The following MPDZ variants were observed in gnomAD, a reference collection of about 807,000 sequenced individuals.
MPDZ encodes the protein multiple PDZ domain crumbs cell polarity complex component, also known as multiple PDZ domain protein.
MPDZ carries 234 observed loss-of-function variants against 239.1 expected under a neutral mutation model. That is an observed-to-expected ratio of 0.98 (90% CI 0.88 to 1.09). MPDZ has a LOEUF of 1.09. MPDZ is among the 50% of genes least tolerant of loss of function. The pLI is 0.00. For missense variants in MPDZ, 3,175 were observed against 2,510.0 expected, an observed-to-expected ratio of 1.26 and a Z score of -5.66; for synonymous variants, 1,048 against 881.3, an observed-to-expected ratio of 1.19 and a Z score of -3.35.
At chr9:13,188,431 T>G (rs73406289) in intron 17 of MPDZ, among the ~76,000 whole-genome samples, 1 of 151,942 alleles carries the variant, frequency 6.6e-6, no homozygotes, top group Admixed American at 6.6e-5. Context: ...GGCAGGAGAA[T>G]CGCTTGAATC....
At chr9:13,136,982 T>C (rs944180924) in intron 29 of MPDZ, among the ~76,000 whole-genome samples, 179 bp from the exon 30 acceptor site, 9 of 152,098 alleles carry the variant, frequency 5.9e-5, no homozygotes, top group Non-Finnish European at 1.0e-4. Context: ...AAAGAATAGC[T>C]CATGTTTAAA....
chr9:13,134,636 G>A (rs1442422773), intron 31 of MPDZ: 1 of 152,040 alleles, frequency 6.6e-6, no homozygotes, highest in East Asian at 1.9e-4. Context: ...TCATACACAT[G>A]TATCCAAAGC....
At chr9:13,258,220 C>T (rs533023687) in intron 1 of MPDZ, among the ~76,000 whole-genome samples, 1 of 152,180 alleles carries the variant, frequency 6.6e-6, no homozygotes, top group African/African-American at 2.4e-5. Context: ...AGAGAATCAG[C>T]GTTTGAAACA....
intron 11 of MPDZ, 137 bp from the exon 12 acceptor site, chr9:13,205,244 A>C: frequency 4.3e-6 from 2 of 470,104 alleles, no homozygotes; most frequent in South Asian, 5.0e-5. Context: ...AACTATATGT[A>C]CTTAAAGGCA....
intron 23 of MPDZ, among the ~76,000 whole-genome samples, chr9:13,159,093 ATAC>A (rs1950163588): frequency 1.3e-5 from 2 of 152,208 alleles, no homozygotes; most frequent in South Asian, 4.1e-4. Flanking sequence ...CCTGACAGGA[ATAC>A]TGAACTGTCT....
chr9:13,216,344 C>T (rs763478260), intron 10 of MPDZ, among the ~76,000 whole-genome samples: 5 of 147,528 alleles, frequency 3.4e-5, no homozygotes, highest in African/African-American at 5.0e-5. Flanking sequence ...AAAGCAGCCG[C>T]GGCCATAAAG....
At chr9:13,107,622 T>G (rs1217970569) in intron 46 of MPDZ, among the ~76,000 whole-genome samples, 1 of 152,150 alleles carries the variant, frequency 6.6e-6, no homozygotes, top group Non-Finnish European at 1.5e-5. Flanking sequence ...AGTTCTAAAT[T>G]TAAAACCCAC....
At chr9:13,277,829 T>A (rs961684287) in intron 1 of MPDZ, among the ~76,000 whole-genome samples, 1 of 152,180 alleles carries the variant, frequency 6.6e-6, no homozygotes, top group African/African-American at 2.4e-5. Context: ...TCTCCCAAAG[T>A]GCTGGGATTA....
chr9:13,116,491 G>C (rs1943468355), intron 39 of MPDZ, among the ~76,000 whole-genome samples: 1 of 152,094 alleles, frequency 6.6e-6, no homozygotes, highest in African/African-American at 2.4e-5. Context: ...TGAAGATGTT[G>C]ATCATGAATC....
At chr9:13,251,743 T>C (rs1208279885) in intron 1 of MPDZ, among the ~76,000 whole-genome samples, 2 of 152,234 alleles carry the variant, frequency 1.3e-5, no homozygotes, top group Non-Finnish European at 2.9e-5. Flanking sequence ...ATTAGCTCTG[T>C]GTGATAAGAG....
chr9:13,135,847 G>T, intron 31 of MPDZ: 1 of 315,712 alleles, frequency 3.2e-6, no homozygotes, highest in Non-Finnish European at 5.7e-6. Flanking sequence ...CTTTTCAGAG[G>T]CAGAACTGAT....
intron 1 of MPDZ, among the ~76,000 whole-genome samples, chr9:13,258,446 T>G (rs1239857204): frequency 2.6e-5 from 4 of 152,214 alleles, no homozygotes; most frequent in Non-Finnish European, 4.4e-5. Context: ...GTTTTTGCAT[T>G]TAAATTTACC....
chr9:13,197,555 T>C (rs1955806353), intron 12 of MPDZ, among the ~76,000 whole-genome samples: 1 of 152,192 alleles, frequency 6.6e-6, no homozygotes, highest in Non-Finnish European at 1.5e-5. Flanking sequence ...AATGATCAAA[T>C]ACAGATAATT....
chr9:13,200,784 T>A (rs896869596), intron 12 of MPDZ, among the ~76,000 whole-genome samples: 2 of 152,124 alleles, frequency 1.3e-5, no homozygotes, highest in African/African-American at 4.8e-5. Context: ...ATACTTGATA[T>A]GATTTTGATA....
At position 13,126,726 on chromosome 9, in the gene MPDZ, C is replaced by CA; in HGVS notation, c.4510_4511insT (p.Ser1504MetfsTer31). ...TGTTAAGCTCTTTATGATGACTCCACTGAGTGTATCTTCTTCGCTGATAGC... is the reference window on the plus strand; with the variant it reads ...TGTTAAGCTCTTTATGATGACTCCACATGAGTGTATCTTCTTCGCTGATAGC... On this transcript the variant is annotated frameshift_variant, in exon 33 of 47. Coordinates refer to ENST00000319217, the MANE Select transcript of MPDZ (RefSeq NM_001378778.1). LOFTEE classifies it high-confidence loss of function. The CA allele has an allele frequency of 6.2e-7, 1 of 1,613,926 alleles. No homozygotes were observed. The highest frequency in any genetic ancestry group is 8.5e-7 in the Non-Finnish European group (1 of 1,179,838).
At chr9:13,161,924 G>A (rs1301572725) in intron 23 of MPDZ, among the ~76,000 whole-genome samples, 4 of 152,088 alleles carry the variant, frequency 2.6e-5, no homozygotes, top group East Asian at 1.9e-4. Context: ...ATATGCTAAC[G>A]GGTTCAGCTC....
intron 32 of MPDZ, among the ~76,000 whole-genome samples, chr9:13,129,149 A>G (rs1945550317): frequency 6.6e-6 from 1 of 152,194 alleles, no homozygotes; most frequent in African/African-American, 2.4e-5. Flanking sequence ...CACATCAACA[A>G]ACAATTTATT....
chr9:13,274,123 C>G (rs369680564), intron 1 of MPDZ, among the ~76,000 whole-genome samples: 1 of 152,118 alleles, frequency 6.6e-6, no homozygotes, highest in African/African-American at 2.4e-5. Context: ...TACAGGCAAG[C>G]TTTCCGTCTT....
In MPDZ at chr9:13,188,906, C is replaced by T. The variant is rs757935299; in HGVS notation, c.2242G>A (p.Gly748Ser). 7 of 1,613,410 alleles carry T rather than the reference C, an allele frequency of 4.3e-6. No homozygotes were observed. Among genetic ancestry groups the T allele is most frequent in the African/African-American group, 2.7e-5 (2 of 74,884 alleles). Residue 748 changes from glycine to serine, a missense_variant, in exon 17 of 47, where the codon GGT becomes AGT. By Grantham distance (56) the Gly-to-Ser change is moderately conservative. Transcript: ENST00000319217. ...IAEKDGRLLP[G>S]DRLMFVNDVN... is the part of the protein sequence containing the mutation. ...TCGTTTACAAACATGAGTCGGTCAC[C>T]AGGAAGAAGTCGTCCATCCTTTTCA...
Sources: allele counts gnomAD v4.1 joint callset (sites outside exome capture counted in the v4.1 genomes callset), GRCh38; gene constraint gnomAD v4.1.1; transcripts MANE v1.5; gene names NCBI Gene and HGNC (gene_info 2026-07-23, HGNC 2026-07-21).